Variants in WDR76 observed in about 807,000 individuals in gnomAD.
The protein encoded by WDR76 is WD repeat-containing protein 76.
WDR76 carries 52 observed loss-of-function variants against 70.2 expected under a neutral mutation model. The observed-to-expected ratio is 0.74, with a 90% CI of 0.59 to 0.93. WDR76 has a LOEUF of 0.93. Ranked by LOEUF, WDR76 falls within the 40% of genes least tolerant of loss-of-function variation. The pLI, the probability that WDR76 is intolerant of heterozygous loss-of-function variation, is 0.00. For synonymous variants in WDR76, 292 were observed against 271.1 expected, an observed-to-expected ratio of 1.08 and a Z score of -0.76; for missense variants, 756 against 760.2, an observed-to-expected ratio of 0.99 and a Z score of 0.07.
At chr15:43,850,979 G>T (rs1431434369) in intron 8 of WDR76, 108 bp from the exon 9 acceptor site, 4 of 1,341,012 alleles carry the variant, frequency 3.0e-6, no homozygotes, top group African/African-American at 2.9e-5. Flanking sequence ...ACTAAGAAAA[G>T]ACTGAATATA....
intron 9 of WDR76, among the ~76,000 whole-genome samples, chr15:43,852,254 G>C (rs2087868874): frequency 1.3e-5 from 2 of 152,058 alleles, no homozygotes; most frequent in South Asian, 4.1e-4. Flanking sequence ...CGAGATCTCG[G>C]CTCACTGCAA....
rs552794899 is a variant in WDR76 at position 43,847,116 on chromosome 15, A to T, written c.1032+3062A>T. 3.8e-4 allele frequency among the ~76,000 whole-genome samples: 58 copies of T among 151,432 alleles called. No individual in the cohort carries two copies. The South Asian group carries it at 0.012, about 31-fold the overall frequency. On this transcript the variant is annotated intron_variant, in intron 8 of 12. Transcript: ENST00000263795. The stretch of plus-strand genomic sequence containing the variant: ...ATTTTCCAGGACATTTGGCAATCTC[A>T]TTAACAGATTTAACAAGTCTAAAAG...
chr15:43,853,028 A>G (rs1452001870), intron 9 of WDR76, among the ~76,000 whole-genome samples: 2 of 152,118 alleles, frequency 1.3e-5, no homozygotes, highest in Non-Finnish European at 2.9e-5. Context: ...AGCTGGGATT[A>G]CAGGCACGTG....
At chr15:43,848,993 G>A (rs1249815373) in intron 8 of WDR76, among the ~76,000 whole-genome samples, 1 of 143,294 alleles carries the variant, frequency 7.0e-6, no homozygotes, top group Non-Finnish European at 1.5e-5. Flanking sequence ...GTCTCAACAT[G>A]GTGAAACCCC....
intron 4 of WDR76, 120 bp from the exon 5 acceptor site, chr15:43,839,485 A>C (rs1221996416): frequency 1.3e-5 from 14 of 1,042,726 alleles, no homozygotes; most frequent in Non-Finnish European, 1.7e-5. Context: ...ATGTATATAT[A>C]TATCTATGCA....
At chr15:43,849,329 C>A (rs1047305711) in intron 8 of WDR76, among the ~76,000 whole-genome samples, 2 of 152,134 alleles carry the variant, frequency 1.3e-5, no homozygotes, top group Non-Finnish European at 2.9e-5. Context: ...GATAATGTCT[C>A]TGTAAATACT....
At chr15:43,846,454 T>A (rs1171838691) in intron 8 of WDR76, among the ~76,000 whole-genome samples, 1 of 148,738 alleles carries the variant, frequency 6.7e-6, no homozygotes, top group Non-Finnish European at 1.5e-5. Flanking sequence ...CTGGCTAATT[T>A]TTTAACTTTT....
chr15:43,847,094 T>C (rs2087798833), intron 8 of WDR76, among the ~76,000 whole-genome samples: 2 of 151,662 alleles, frequency 1.3e-5, no homozygotes, highest in African/African-American at 4.9e-5. Flanking sequence ...CAACCTAATT[T>C]TCCAGGACAT....
At chr15:43,827,366 C>T (rs1475128534) in intron 1 of WDR76, among the ~76,000 whole-genome samples, 2 of 152,128 alleles carry the variant, frequency 1.3e-5, no homozygotes, top group Non-Finnish European at 2.9e-5. Flanking sequence ...CCAGACAATC[C>T]GCAGCTGACA....
chr15:43,845,987 G>GT (rs2087783819), intron 8 of WDR76, among the ~76,000 whole-genome samples: 1 of 150,162 alleles, frequency 6.7e-6, no homozygotes, highest in African/African-American at 2.4e-5. Context: ...TAAGATGTGA[G>GT]TGGGGATAGG....
chr15:43,831,473 C>G (rs1216174104), intron 2 of WDR76, among the ~76,000 whole-genome samples: 1 of 151,574 alleles, frequency 6.6e-6, no homozygotes, highest in Non-Finnish European at 1.5e-5. Context: ...GGGTCTCACT[C>G]TATTACCCAG....
chr15:43,830,258 C>T (rs556188357), intron 2 of WDR76, among the ~76,000 whole-genome samples: 5 of 151,914 alleles, frequency 3.3e-5, no homozygotes, highest in African/African-American at 1.2e-4. Flanking sequence ...CCTTTGGCCT[C>T]TTAGACTGTA....
At chr15:43,834,399 C>A (rs947533754) in intron 2 of WDR76, among the ~76,000 whole-genome samples, 3 of 149,800 alleles carry the variant, frequency 2.0e-5, no homozygotes, top group African/African-American at 4.9e-5. Context: ...CTCCCAGGTT[C>A]AAGCGATTTT....
At chr15:43,837,664 G>A (rs2087674000) in intron 4 of WDR76, among the ~76,000 whole-genome samples, 1 of 151,926 alleles carries the variant, frequency 6.6e-6, no homozygotes, top group Admixed American at 6.6e-5. Flanking sequence ...AATCTAGAAG[G>A]ATTTAAATTT....
At chr15:43,829,680 A>T (rs374244683) in intron 2 of WDR76, among the ~76,000 whole-genome samples, 3 of 151,150 alleles carry the variant, frequency 2.0e-5, no homozygotes, top group African/African-American at 7.3e-5. Context: ...CTAATTTTTT[A>T]TATTTTCAGT....
intron 9 of WDR76, among the ~76,000 whole-genome samples, chr15:43,853,646 C>T (rs1011326863): frequency 6.6e-5 from 10 of 152,086 alleles, no homozygotes; most frequent in Non-Finnish European, 1.0e-4. Flanking sequence ...TGGCTCACCC[C>T]TGTAATCCCA....
intron 2 of WDR76, among the ~76,000 whole-genome samples, chr15:43,828,728 T>C (rs1285957247): frequency 6.6e-6 from 1 of 152,180 alleles, no homozygotes; most frequent in Non-Finnish European, 1.5e-5. Context: ...TGGGACATGG[T>C]ATTGACTGAC....
Position 43,852,991 on chromosome 15 carries a change from C to A in WDR76, c.1191+1746C>A, listed in dbSNP as rs1166457454. On this transcript the variant is annotated intron_variant, in intron 9 of 12. Coordinates refer to ENST00000263795, the MANE Select transcript of WDR76 (RefSeq NM_024908.4). ...GCAACTTCCACCTCCCGGGTTCAAG[C>A]AATTCTCCTGCCTCATCCTCCTGAG... Among the ~76,000 whole-genome samples the A allele has an allele frequency of 3.3e-5, 5 of 151,954 alleles. No homozygotes were observed. The South Asian group carries it at 6.2e-4, about 19-fold the overall frequency.
In WDR76 at chr15:43,828,116, C is replaced by T. The variant is rs1207323755; in HGVS notation, c.212C>T (p.Ser71Leu). ...CAGCTTATGTGCCCCAAATCCCTAT[C>T]AGAAAAGAATTCTAACAATGAAGTG... ...LDQLMCPKSLSEKNSNNEVAC... is the reference protein window; with the variant it reads ...LDQLMCPKSLLEKNSNNEVAC... Residue 71 changes from serine (S) to leucine (L), a missense_variant, in exon 2 of 13, where the codon TCA (serine) becomes TTA (leucine). Coordinates refer to ENST00000263795, the MANE Select transcript of WDR76 (RefSeq NM_024908.4). The T allele has an allele frequency of 1.2e-6, 2 of 1,614,034 alleles. No homozygotes were observed. Among genetic ancestry groups the T allele is most frequent in the African/African-American group, 2.7e-5 (2 of 74,918 alleles).
Sources: allele counts gnomAD v4.1 joint callset (sites outside exome capture counted in the v4.1 genomes callset), GRCh38; gene constraint gnomAD v4.1.1; transcripts MANE v1.5; gene names NCBI Gene and HGNC (gene_info 2026-07-23, HGNC 2026-07-21).